The following ZNF385C variants were observed in gnomAD, a reference collection of about 807,000 sequenced individuals.
ZNF385C encodes zinc finger protein 385C, also known as CTD-2132N18.2.
ZNF385C carries 28 observed loss-of-function variants against 35.4 expected under a neutral mutation model. The ratio of observed to expected loss-of-function variants is 0.79; its 90% CI spans 0.59 to 1.08. The LOEUF (loss-of-function observed/expected upper bound fraction) is 1.08, where lower values mean the gene tolerates loss of function less well. ZNF385C is among the 50% of genes least tolerant of loss of function. The pLI is 0.00. For missense variants in ZNF385C, 605 were observed against 595.6 expected, an observed-to-expected ratio of 1.02 and a Z score of -0.16; for synonymous variants, 248 against 248.2, an observed-to-expected ratio of 1.00 and a Z score of 0.01.
intron 1 of ZNF385C, among the ~76,000 whole-genome samples, chr17:42,064,305 T>A (rs1470907369): frequency 2.0e-5 from 3 of 152,226 alleles, no homozygotes; most frequent in Non-Finnish European, 4.4e-5. Flanking sequence ...GCTTCCTGCC[T>A]CTGCTTCAGA....
intron 7 of ZNF385C, 133 bp from the exon 8 acceptor site, chr17:42,027,861 G>A (rs563277863): frequency 8.1e-7 from 1 of 1,228,430 alleles, no homozygotes; most frequent in African/African-American, 1.5e-5. Context: ...CCTCACCCTG[G>A]GGTAGGCCCT....
At chr17:42,057,277 G>C (rs1216109907) in intron 2 of ZNF385C, among the ~76,000 whole-genome samples, 1 of 152,124 alleles carries the variant, frequency 6.6e-6, no homozygotes, top group African/African-American at 2.4e-5. Context: ...GCCTAGGATG[G>C]CTGGGTGAGG....
chr17:42,097,735 T>G (rs1555661073), intron 1 of ZNF385C, among the ~76,000 whole-genome samples: 1 of 152,056 alleles, frequency 6.6e-6, no homozygotes, highest in African/African-American at 2.4e-5. Context: ...ATCCCAACAC[T>G]GAGGGTGCAA....
chr17:42,052,195 G>A (rs557918494), intron 2 of ZNF385C, among the ~76,000 whole-genome samples: 204 of 152,294 alleles, frequency 1.3e-3, no homozygotes, highest in African/African-American at 4.7e-3. Flanking sequence ...AGAAGAAGAG[G>A]CTGCCCCCAA....
intron 1 of ZNF385C, among the ~76,000 whole-genome samples, chr17:42,074,331 G>A (rs904868360): frequency 2.0e-5 from 3 of 151,936 alleles, no homozygotes; most frequent in Non-Finnish European, 2.9e-5. Flanking sequence ...ACATTAAATT[G>A]TACATTTTAA....
chr17:42,087,991 T>C (rs1344349765), intron 1 of ZNF385C, among the ~76,000 whole-genome samples: 2 of 152,174 alleles, frequency 1.3e-5, no homozygotes, highest in Non-Finnish European at 2.9e-5. Context: ...TGCTCTATAG[T>C]CCTCCGTAAG....
intron 4 of ZNF385C, 115 bp downstream of exon 4, chr17:42,034,110 C>A (rs4277396): frequency 0.96 from 801,724 of 831,530 alleles, 386,914 homozygotes; most frequent in African/African-American, 0.99. Context: ...TGGAAAATAC[C>A]GACCACAGCC....
At position 42,053,017 on chromosome 17, in the gene ZNF385C, G is replaced by A. The variant is rs539684996; in HGVS notation, c.250+9790C>T. Among the ~76,000 whole-genome samples, 426 of 152,266 alleles carry A rather than the reference G, an allele frequency of 2.8e-3. 1 individual carries two copies. Among genetic ancestry groups the A allele is most frequent in the African/African-American group, 9.3e-3 (385 of 41,538 alleles). ...GTCCAGGGGAGAGAGAGCCAAAGTG[G>A]AGAGTGAGAGGTTGAGCCAAGACCC... On this transcript the variant is annotated intron_variant, in intron 2 of 8. Transcript: ENST00000692273.
At chr17:42,027,554 G>GGCCCCCCCCCCCCCCC in intron 8 of ZNF385C, 64 bp downstream of exon 8, 9 of 556,874 alleles carry the variant, frequency 1.6e-5, no homozygotes, top group East Asian at 6.9e-5. Flanking sequence ...CCCCCATCTG[G>GGCCCCCCCCCCCCCCC]CCCTCCCAGC....
At chr17:42,045,241 C>T (rs560386219) in intron 2 of ZNF385C, among the ~76,000 whole-genome samples, 7 of 151,524 alleles carry the variant, frequency 4.6e-5, no homozygotes, top group African/African-American at 1.2e-4. Flanking sequence ...TTAGTAGAGA[C>T]GGGGTTTCAC....
chr17:42,035,118 C>CA (rs1239388932), intron 3 of ZNF385C, among the ~76,000 whole-genome samples: 66,671 of 81,654 alleles, frequency 0.82, 27,438 homozygotes, highest in Admixed American at 0.88. Flanking sequence ...GACTCTGTCT[C>CA]AAAAAAAAAA....
At chr17:42,030,059 T>TA (rs1233149262) in intron 5 of ZNF385C, among the ~76,000 whole-genome samples, 11 of 150,184 alleles carry the variant, frequency 7.3e-5, no homozygotes, top group East Asian at 3.9e-4. Flanking sequence ...GAATTTAAAT[T>TA]AAAAAAAAAT....
intron 2 of ZNF385C, among the ~76,000 whole-genome samples, chr17:42,048,855 AG>A: frequency 6.6e-6 from 1 of 151,372 alleles, no homozygotes; most frequent in Non-Finnish European, 1.5e-5. Flanking sequence ...TCTTAACCAG[AG>A]GGGGGCTTTT....
chr17:42,061,098 A>G (rs2053453096), intron 2 of ZNF385C: 1 of 151,812 alleles, frequency 6.6e-6, no homozygotes, highest in South Asian at 2.1e-4. Flanking sequence ...ATTTATTTAG[A>G]TAGCTTTTTC....
At chr17:42,036,495 C>A (rs190104894) in intron 3 of ZNF385C, among the ~76,000 whole-genome samples, 11 of 151,688 alleles carry the variant, frequency 7.3e-5, no homozygotes, top group Admixed American at 4.6e-4. Flanking sequence ...GAGTTTGAGA[C>A]CAGCCTGGGT....
At chr17:42,051,211 T>G (rs1460923979) in intron 2 of ZNF385C, among the ~76,000 whole-genome samples, 1 of 151,796 alleles carries the variant, frequency 6.6e-6, no homozygotes, top group African/African-American at 2.4e-5. Flanking sequence ...CCTTCCCACC[T>G]GGTGGGAAGC....
In ZNF385C at chr17:42,026,631, G is replaced by A; in HGVS notation, c.*266C>T. The stretch of plus-strand genomic sequence containing the variant: ...GAAAGTGAGAGCACCACATGGCTGG[G>A]GCTGAGATTTTGCATAGATCTTTGG... On this transcript the variant is annotated 3_prime_UTR_variant, in exon 9 of 9. Transcript: ENST00000692273. 1 of 531,136 alleles carries A rather than the reference G, an allele frequency of 1.9e-6. No homozygotes were observed. Among genetic ancestry groups the A allele is most frequent in the Non-Finnish European group, 3.4e-6 (1 of 294,770 alleles). 32.9% of individuals were successfully genotyped at this position (531,136 alleles called of 1,614,324 possible).
At chr17:42,039,612 C>A (rs985989451) in intron 2 of ZNF385C, 1 of 1,133,250 alleles carries the variant, frequency 8.8e-7, no homozygotes. Context: ...CTGCAGTCAG[C>A]AGATCATCTT....
chr17:42,036,577 CAAGAA>C (rs1426333966), intron 3 of ZNF385C, among the ~76,000 whole-genome samples: 1 of 152,012 alleles, frequency 6.6e-6, no homozygotes, highest in Non-Finnish European at 1.5e-5. Context: ...CAAACCTTCC[CAAGAA>C]AAGAAAACAG....
Sources: allele counts gnomAD v4.1 joint callset (sites outside exome capture counted in the v4.1 genomes callset), GRCh38; gene constraint gnomAD v4.1.1; transcripts MANE v1.5; gene names NCBI Gene and HGNC (gene_info 2026-07-23, HGNC 2026-07-21).